DAP3: variants seen among roughly 807,000 people sequenced by gnomAD.
The protein encoded by DAP3 is small ribosomal subunit protein mS29.
DAP3 carries 28 observed loss-of-function variants against 51.9 expected under a neutral mutation model. The observed-to-expected ratio is 0.54, with a 90% CI of 0.40 to 0.74. The LOEUF is 0.74. DAP3 is among the 30% of genes least tolerant of loss of function. The pLI is 0.00. For missense variants in DAP3, 458 were observed against 483.5 expected, an observed-to-expected ratio of 0.95 and a Z score of 0.49; for synonymous variants, 170 against 170.3, an observed-to-expected ratio of 1.00 and a Z score of 0.01.
chr1:155,730,937 C>A (rs1659170989), intron 9 of DAP3, among the ~76,000 whole-genome samples: 1 of 151,790 alleles, frequency 6.6e-6, no homozygotes, highest in African/African-American at 2.4e-5. Context: ...AGAGGGAGTA[C>A]CTTCAGGTAT....
chr1:155,720,660 AAAAC>A (rs976068195), intron 3 of DAP3, among the ~76,000 whole-genome samples: 12 of 151,848 alleles, frequency 7.9e-5, no homozygotes, highest in South Asian at 4.1e-4. Context: ...AAAAAAAAAC[AAAAC>A]AAACAAACCA....
intron 7 of DAP3, among the ~76,000 whole-genome samples, chr1:155,728,510 C>T (rs1409274935): frequency 6.6e-6 from 1 of 151,550 alleles, no homozygotes; most frequent in African/African-American, 2.4e-5. Flanking sequence ...TTCAGTGAGC[C>T]GAGATAGCGC....
At position 155,729,060 on chromosome 1, in the gene DAP3, T is replaced by C; in HGVS notation, c.622T>C (p.Tyr208His). The change falls in exon 8 of 13, where the codon TAT (tyrosine) becomes CAT (histidine). Residue 208 changes from tyrosine (Y) to histidine (H), a missense_variant. Tyr to His is a moderately conservative substitution (Grantham distance 83). Coordinates refer to ENST00000368336, the MANE Select transcript of DAP3 (RefSeq NM_004632.4). ...FLNQIKVQEK[Y>H]VWNKRESTEK... Reference sequence around the variant, plus strand: ...CTTTTAGATAAAAGTTCAAGAGAAGTATGTCTGGAATAAGAGAGAAAGCAC... The same window carrying C: ...CTTTTAGATAAAAGTTCAAGAGAAGCATGTCTGGAATAAGAGAGAAAGCAC... 6.2e-7 allele frequency: 1 copy of C among 1,613,742 alleles called. No individual in the cohort carries two copies. Among genetic ancestry groups the C allele is most frequent in the Non-Finnish European group, 8.5e-7 (1 of 1,179,946 alleles).
In DAP3 at chr1:155,702,337, G is replaced by A. The variant is rs542392481; in HGVS notation, c.-7-7436G>A. On this transcript the variant is annotated intron_variant, in intron 1 of 12. Transcript: ENST00000368336. ...AATACAAAAAAATTAGCTGGGCATG[G>A]TGGCGGGTGCCTGTAGTCCCAGCTA... 1.2e-3 allele frequency among the ~76,000 whole-genome samples: 187 copies of A among 152,068 alleles called. 1 individual carries two copies. The highest frequency in any genetic ancestry group is 2.4e-3 in the Non-Finnish European group (165 of 67,980).
intron 1 of DAP3, among the ~76,000 whole-genome samples, chr1:155,708,805 T>G (rs1016955534): frequency 2.7e-5 from 4 of 150,728 alleles, no homozygotes; most frequent in Non-Finnish European, 5.9e-5. Context: ...CCCAGTTTCA[T>G]GCCATTCTCC....
At chr1:155,698,148 G>T (rs989508352) in intron 1 of DAP3, among the ~76,000 whole-genome samples, 3 of 152,112 alleles carry the variant, frequency 2.0e-5, no homozygotes, top group Non-Finnish European at 4.4e-5. Context: ...CAAACAATTT[G>T]TACAGGTAAT....
chr1:155,702,151 TA>T (rs71080722), intron 1 of DAP3, among the ~76,000 whole-genome samples: 2,996 of 101,664 alleles, frequency 0.029, 24 homozygotes, highest in Non-Finnish European at 0.042. Context: ...ATTCTGCCTA[TA>T]AAAAAAAAAA....
Position 155,721,571 on chromosome 1 carries a change from T to G in DAP3, c.223T>G (p.Leu75Val). 2 of 1,614,024 alleles carry G rather than the reference T, an allele frequency of 1.2e-6. No homozygotes were observed. The highest frequency in any genetic ancestry group is 1.7e-5 in the Admixed American group (1 of 59,960). Residue 75 changes from leucine to valine, a missense_variant, in exon 4 of 13, where the codon TTG becomes GTG. Physicochemically the swap from Leu to Val is conservative, Grantham distance 32. Transcript: ENST00000368336. ...GCACTACAACATCTCCCCCCAGGAT[T>G]TGGAGACTGTATTTCCCCATGGCCT... ...GQHYNISPQD[L>V]ETVFPHGLPP...
At chr1:155,721,030 C>T (rs1162254007) in intron 3 of DAP3, among the ~76,000 whole-genome samples, 4 of 143,158 alleles carry the variant, frequency 2.8e-5, no homozygotes, top group South Asian at 4.5e-4. Context: ...GAGCGAGACT[C>T]TGTCTCAAAA....
At chr1:155,726,113 CTTT>C (rs377658512) in intron 6 of DAP3, 94 bp downstream of exon 6, 4,741 of 668,342 alleles carry the variant, frequency 7.1e-3, no homozygotes, top group East Asian at 9.2e-3. Flanking sequence ...CTTTTCTTTT[CTTT>C]TTTTTTTTTT....
intron 4 of DAP3, among the ~76,000 whole-genome samples, chr1:155,723,350 T>C (rs1658211492): frequency 6.6e-6 from 1 of 151,962 alleles, no homozygotes; most frequent in Admixed American, 6.6e-5. Flanking sequence ...TTTTTTGAAA[T>C]GGAGTTTCAC....
At chr1:155,693,231 A>T (rs922550724) in intron 1 of DAP3, among the ~76,000 whole-genome samples, 2 of 141,954 alleles carry the variant, frequency 1.4e-5, no homozygotes, top group East Asian at 1.9e-4. Flanking sequence ...TTTGAGAATT[A>T]GGTCGAATAT....
At chr1:155,723,551 A>T (rs912759223) in intron 4 of DAP3, among the ~76,000 whole-genome samples, 1 of 148,636 alleles carries the variant, frequency 6.7e-6, no homozygotes, top group African/African-American at 2.5e-5. Context: ...CTGGTCTCCA[A>T]CTCCTAACCT....
intron 11 of DAP3, 151 bp from the exon 12 acceptor site, chr1:155,736,795 G>T: frequency 1.4e-6 from 1 of 710,258 alleles, no homozygotes; most frequent in Non-Finnish European, 2.5e-6. Context: ...CATATGTGGA[G>T]TCCTGTATCA....
At chr1:155,728,850 A>C (rs1251393093) in intron 7 of DAP3, among the ~76,000 whole-genome samples, 192 bp from the exon 8 acceptor site, 1 of 136,388 alleles carries the variant, frequency 7.3e-6, no homozygotes, top group Non-Finnish European at 1.5e-5. Flanking sequence ...ACAGAGAAAG[A>C]AGCTGTCTCA....
intron 9 of DAP3, among the ~76,000 whole-genome samples, chr1:155,731,136 G>A (rs577387414): frequency 3.9e-5 from 6 of 152,034 alleles, no homozygotes; most frequent in South Asian, 2.1e-4. Flanking sequence ...CTCTGGTGGC[G>A]CGCGCCTATA....
intron 6 of DAP3, 136 bp downstream of exon 6, chr1:155,726,155 C>T (rs1658560749): frequency 5.3e-6 from 4 of 750,708 alleles, no homozygotes; most frequent in Non-Finnish European, 6.1e-6. Context: ...CTCTTGTCGG[C>T]CAGTCTGGAG....
At chr1:155,688,117 G>C (rs146736158), upstream of DAP3, 2 of 1,611,218 alleles carry the variant, frequency 1.2e-6, no homozygotes, top group Non-Finnish European at 1.7e-6. Flanking sequence ...GTGAGGAAGA[G>C]GGGGTGGCCG....
intron 1 of DAP3, among the ~76,000 whole-genome samples, chr1:155,701,002 T>TGG (rs1241005259): frequency 1.1e-5 from 1 of 92,094 alleles, no homozygotes. Flanking sequence ...GGGAGGGAGG[T>TGG]GGGGGGGTCA....
Sources: allele counts gnomAD v4.1 joint callset (sites outside exome capture counted in the v4.1 genomes callset), GRCh38; gene constraint gnomAD v4.1.1; transcripts MANE v1.5; gene names NCBI Gene and HGNC (gene_info 2026-07-23, HGNC 2026-07-21).